Variants in PIAS2 observed in about 807,000 individuals in gnomAD.
PIAS2 encodes the protein E3 SUMO-protein ligase PIAS2.
PIAS2 carries 19 observed loss-of-function variants against 69.7 expected under a neutral mutation model. The observed-to-expected ratio is 0.27, with a 90% CI of 0.19 to 0.40. The LOEUF is 0.40. Ranked by LOEUF, PIAS2 falls within the 10% of genes least tolerant of loss-of-function variation. The pLI is 1.00. For synonymous variants in PIAS2, 261 were observed against 263.2 expected (o/e 0.99, Z 0.08); for missense variants, 624 against 757.0 (o/e 0.82, Z 2.06).
intron 2 of PIAS2, among the ~76,000 whole-genome samples, chr18:46,887,504 T>G (rs1196748679): frequency 6.6e-6 from 1 of 152,234 alleles, no homozygotes; most frequent in Non-Finnish European, 1.5e-5. Context: ...CTTCCCAATT[T>G]ATTTCATAAA....
chr18:46,812,738 G>C (rs916030645), intron 13 of PIAS2, 126 bp from the exon 14 acceptor site: 1 of 571,558 alleles, frequency 1.7e-6, no homozygotes, highest in Non-Finnish European at 3.1e-6. Context: ...TTTAAAAATT[G>C]CTCAAAACTT....
rs2046204473 is a variant in PIAS2 at position 46,846,661 on chromosome 18, C to A, written c.861+46G>T. Reference sequence around the variant, plus strand: ...TTAAGAAAAAACACAGAAAGTCAACCCTCAGTGGGGTCACTGTCCTGCTAC... The same window carrying A: ...TTAAGAAAAAACACAGAAAGTCAACACTCAGTGGGGTCACTGTCCTGCTAC... On this transcript the variant is annotated intron_variant, in intron 6 of 13. Coordinates refer to ENST00000585916, the MANE Select transcript of PIAS2 (RefSeq NM_004671.5). 3.9e-6 allele frequency: 6 copies of A among 1,543,346 alleles called. 1 individual carries two copies. Among genetic ancestry groups the A allele is most frequent in the East Asian group, 4.7e-5 (2 of 42,642 alleles).
intron 11 of PIAS2, among the ~76,000 whole-genome samples, chr18:46,824,949 G>A (rs1258281767): frequency 2.7e-5 from 4 of 150,724 alleles, no homozygotes; most frequent in African/African-American, 9.8e-5. Flanking sequence ...GCAGTGAGCC[G>A]CGATCACACC....
chr18:46,813,109 G>T (rs1177381340), intron 13 of PIAS2, among the ~76,000 whole-genome samples: 1 of 152,082 alleles, frequency 6.6e-6, no homozygotes, highest in Admixed American at 6.5e-5. Flanking sequence ...TGATGGCATT[G>T]GACTCCTTTG....
chr18:46,851,074 C>T (rs1368588685), intron 5 of PIAS2, among the ~76,000 whole-genome samples: 2 of 152,168 alleles, frequency 1.3e-5, no homozygotes, highest in African/African-American at 4.8e-5. Flanking sequence ...AGTGTGCACA[C>T]AATTATGTGT....
intron 12 of PIAS2, among the ~76,000 whole-genome samples, chr18:46,818,904 T>C (rs766696358): frequency 3.9e-5 from 6 of 152,100 alleles, no homozygotes; most frequent in Non-Finnish European, 7.4e-5. Flanking sequence ...TTTTACCAAA[T>C]AGCCAGTTCA....
intron 2 of PIAS2, among the ~76,000 whole-genome samples, chr18:46,875,440 C>T (rs997432001): frequency 7.9e-5 from 12 of 152,108 alleles, no homozygotes; most frequent in African/African-American, 2.9e-4. Flanking sequence ...ATAGATAATC[C>T]CCAAACAATG....
intron 5 of PIAS2, chr18:46,853,370 T>C (rs1393518754): frequency 1.3e-5 from 2 of 151,382 alleles, no homozygotes; most frequent in African/African-American, 2.4e-5. Context: ...ATGGGACAGG[T>C]GCACAGGGTT....
At chr18:46,869,978 C>T (rs1318000525) in intron 2 of PIAS2, among the ~76,000 whole-genome samples, 2 of 152,096 alleles carry the variant, frequency 1.3e-5, no homozygotes. Flanking sequence ...AAACAATCCA[C>T]CAATGTATGA....
At chr18:46,817,449 C>T in intron 12 of PIAS2, 1 of 959,428 alleles carries the variant, frequency 1.0e-6, no homozygotes, top group Non-Finnish European at 1.2e-6. Flanking sequence ...AGAATACCCA[C>T]TGAGGATCCT....
chr18:46,880,351 C>T (rs11874218), intron 2 of PIAS2, among the ~76,000 whole-genome samples: 7,048 of 152,126 alleles, frequency 0.046, 190 homozygotes, highest in Non-Finnish European at 0.065. Context: ...ACAACTATAC[C>T]CTGCCTGGGT....
chr18:46,906,577 T>C (rs985796786), intron 1 of PIAS2, among the ~76,000 whole-genome samples: 5 of 152,086 alleles, frequency 3.3e-5, no homozygotes, highest in African/African-American at 1.2e-4. Context: ...TAGAAATAAA[T>C]CTAACAAAAT....
At chr18:46,918,672 T>C (rs1165634879), upstream of PIAS2, among the ~76,000 whole-genome samples, 1 of 152,178 alleles carries the variant, frequency 6.6e-6, no homozygotes, top group Non-Finnish European at 1.5e-5. Context: ...TCCGCCCGCC[T>C]CGGCCTCCCA....
chr18:46,872,930 C>A (rs942307032), intron 2 of PIAS2, among the ~76,000 whole-genome samples: 9 of 152,172 alleles, frequency 5.9e-5, no homozygotes, highest in Non-Finnish European at 1.0e-4. Flanking sequence ...CTTAGCCCTT[C>A]CTTCCCTAGA....
At chr18:46,894,718 A>G (rs1158327939) in intron 1 of PIAS2, among the ~76,000 whole-genome samples, 1 of 152,170 alleles carries the variant, frequency 6.6e-6, no homozygotes, top group Non-Finnish European at 1.5e-5. Flanking sequence ...ATATTATATA[A>G]TTGAAACACT....
chr18:46,832,233 G>A (rs545001648), intron 9 of PIAS2, among the ~76,000 whole-genome samples: 2 of 151,962 alleles, frequency 1.3e-5, no homozygotes, highest in Admixed American at 1.3e-4. Flanking sequence ...TGACCAACAT[G>A]GTGAAACCCT....
chr18:46,815,962 G>A (rs374229173), intron 12 of PIAS2: 1 of 985,274 alleles, frequency 1.0e-6, no homozygotes. Flanking sequence ...TGTCCAATTC[G>A]ATTTTAGAAA....
chr18:46,886,851 A>G (rs2053286397), intron 2 of PIAS2, among the ~76,000 whole-genome samples: 1 of 152,158 alleles, frequency 6.6e-6, no homozygotes, highest in Non-Finnish European at 1.5e-5. Flanking sequence ...CCTCCAAAAA[A>G]AAACAAATAA....
In PIAS2 at chr18:46,817,291, C is replaced by A. The variant is rs547335096; in HGVS notation, c.1649-1942G>T. On this transcript the variant is annotated intron_variant, in intron 12 of 13. Transcript: ENST00000585916. ...TGGAATATTGTGTACTGAAGCCAAG[C>A]CACTCAAAAATGCTCATTTTCTAAA... The A allele has an allele frequency of 1.4e-5, 14 of 984,898 alleles. No individual in the cohort carries two copies. In the East Asian group the frequency reaches 1.5e-3, roughly 104 times the overall value. The allele number at this position is 984,898 out of a possible 1,614,324, so 61.0% of individuals were successfully genotyped here.
Sources: allele counts gnomAD v4.1 joint callset (sites outside exome capture counted in the v4.1 genomes callset), GRCh38; gene constraint gnomAD v4.1.1; transcripts MANE v1.5; gene names NCBI Gene and HGNC (gene_info 2026-07-23, HGNC 2026-07-21).